The following AFF3 variants were observed in gnomAD, a reference collection of about 807,000 sequenced individuals.
AFF3 encodes the protein ALF transcription elongation factor 3, also known as AF4/FMR2 family member 3.
AFF3 carries 32 observed loss-of-function variants against 129.7 expected under a neutral mutation model. That is an observed-to-expected ratio of 0.25 (90% CI 0.19 to 0.33). The LOEUF (loss-of-function observed/expected upper bound fraction) is 0.33. Ranked by LOEUF, AFF3 falls within the 10% of genes least tolerant of loss-of-function variation. The pLI, the probability that AFF3 is intolerant of heterozygous loss-of-function variation, is 1.00. For synonymous variants in AFF3, 644 were observed against 635.4 expected (o/e 1.01, Z -0.20); for missense variants, 1,373 against 1,592.0 (o/e 0.86, Z 2.34).
intron 12 of AFF3, among the ~76,000 whole-genome samples, chr2:99,663,547 G>A (rs1686423685): frequency 6.6e-6 from 1 of 152,132 alleles, no homozygotes; most frequent in Non-Finnish European, 1.5e-5. Flanking sequence ...TATTGATTGG[G>A]GATTAAAAGG....
rs563436088 is a variant in AFF3, at chr2:99,564,763, T to G, written c.3119+724A>C. On this transcript the variant is annotated intron_variant, in intron 20 of 24. Coordinates refer to ENST00000672756, the MANE Select transcript of AFF3 (RefSeq NM_001386135.1). ...CACAGAACCCCAGAATCAGAAAAAC[T>G]TTTAAAAGTTAGTTTTAGGAAGAAT... Among the ~76,000 whole-genome samples, 24 of 152,292 alleles carry G rather than the reference T, an allele frequency of 1.6e-4. No individual in the cohort carries two copies. In the South Asian group the frequency reaches 3.3e-3, roughly 21 times the overall value.
chr2:99,997,825 C>T (rs1468759573), intron 7 of AFF3, among the ~76,000 whole-genome samples: 1 of 152,166 alleles, frequency 6.6e-6, no homozygotes, highest in East Asian at 1.9e-4. Context: ...GTGCCTTCTC[C>T]CTGCCATGTC....
chr2:99,744,126 T>A lies in AFF3; in HGVS notation c.1017A>T (p.Val339=). The change falls in exon 10 of 25, where the codon GTA becomes GTT. Residue 339 remains valine, a synonymous_variant. Coordinates refer to ENST00000672756, the MANE Select transcript of AFF3 (RefSeq NM_001386135.1). ...TACTTGGATTATTGTGTCCAGAGGA[T>A]ACAAGCTGAGAGTCCTGAAAGAACA... The part of the protein sequence containing the change: ...FPFPNKDSQL[V]SSGHNNPKKG... 1 of 1,607,700 alleles carries A rather than the reference T, an allele frequency of 6.2e-7. No homozygotes were observed. Among genetic ancestry groups the A allele is most frequent in the Non-Finnish European group, 8.5e-7 (1 of 1,177,270 alleles).
At chr2:99,732,548 G>C (rs1294828966) in intron 10 of AFF3, among the ~76,000 whole-genome samples, 1 of 152,060 alleles carries the variant, frequency 6.6e-6, no homozygotes, top group African/African-American at 2.4e-5. Context: ...ATGAATTTTA[G>C]ATTTAGCCAT....
At chr2:99,953,483 T>A (rs1676352295) in intron 7 of AFF3, among the ~76,000 whole-genome samples, 1 of 152,204 alleles carries the variant, frequency 6.6e-6, no homozygotes, top group South Asian at 2.1e-4. Context: ...TAGAAGAAGA[T>A]GTGCCATTTA....
intron 4 of AFF3, among the ~76,000 whole-genome samples, chr2:100,039,683 T>C (rs1007895496): frequency 5.3e-5 from 8 of 152,172 alleles, no homozygotes; most frequent in African/African-American, 1.9e-4. Flanking sequence ...TAATGGGTCA[T>C]GTTCCTTTAC....
At chr2:99,735,940 T>C (rs1032216503) in intron 10 of AFF3, among the ~76,000 whole-genome samples, 1 of 152,240 alleles carries the variant, frequency 6.6e-6, no homozygotes, top group Non-Finnish European at 1.5e-5. Context: ...AACATGTGTT[T>C]TCCCTCCTAG....
At chr2:99,616,290 A>G (rs572315419) in intron 13 of AFF3, among the ~76,000 whole-genome samples, 3 of 151,886 alleles carry the variant, frequency 2.0e-5, no homozygotes, top group African/African-American at 7.2e-5. Context: ...TTCCATCCTC[A>G]TGGAAACTCC....
chr2:99,898,679 C>T (rs561062277), intron 7 of AFF3, among the ~76,000 whole-genome samples: 2 of 152,294 alleles, frequency 1.3e-5, no homozygotes, highest in East Asian at 1.9e-4. Context: ...CTGCTGCACC[C>T]GGATACTGAG....
At position 99,877,256 on chromosome 2, in the gene AFF3, G is replaced by A. The variant is rs140016124; in HGVS notation, c.874-39732C>T. ...TTGGATGAATGACTCGTCAAACAGT[G>A]AAGCCACTGAGAAGTGGGATTGAGG... On this transcript the variant is annotated intron_variant, in intron 7 of 24. Transcript: ENST00000672756. 8.7e-3 allele frequency among the ~76,000 whole-genome samples: 1,327 copies of A among 152,306 alleles called. 34 individuals are homozygous for A. Among genetic ancestry groups the A allele is most frequent in the African/African-American group, 0.03 (1,264 of 41,558 alleles).
chr2:99,609,602 T>TAC (rs1680718467), intron 13 of AFF3, among the ~76,000 whole-genome samples: 3 of 152,356 alleles, frequency 2.0e-5, no homozygotes, highest in East Asian at 1.9e-4. Flanking sequence ...GGTATATATA[T>TAC]ACACCACATT....
chr2:99,800,747 A>G (rs1262407775), intron 8 of AFF3, among the ~76,000 whole-genome samples: 1 of 152,240 alleles, frequency 6.6e-6, no homozygotes. Context: ...CAGCAATGAA[A>G]AGTAATGAAC....
chr2:99,831,552 T>C lies in AFF3; in HGVS notation c.921+5925A>G, dbSNP rs76509119. ...CATTTGAAGGTACTGATAGATACTA[T>C]GATTTGACATGTATTAACCTTTTCA... On this transcript the variant is annotated intron_variant, in intron 8 of 24. Transcript: ENST00000672756. Among the ~76,000 whole-genome samples the C allele has an allele frequency of 1.8e-4, 27 of 152,340 alleles. No individual in the cohort carries two copies. In the East Asian group the frequency reaches 5.2e-3, roughly 29 times the overall value.
At chr2:99,923,938 C>G (rs907576293) in intron 7 of AFF3, among the ~76,000 whole-genome samples, 1 of 152,040 alleles carries the variant, frequency 6.6e-6, no homozygotes, top group Non-Finnish European at 1.5e-5. Context: ...ATAGGAAAAT[C>G]TCACTTTAAG....
chr2:100,084,838 T>A (rs966481063), intron 4 of AFF3, among the ~76,000 whole-genome samples: 3 of 150,104 alleles, frequency 2.0e-5, no homozygotes, highest in Non-Finnish European at 4.5e-5. Flanking sequence ...ATTGTCCAAT[T>A]TCGTGTATCT....
intron 11 of AFF3, among the ~76,000 whole-genome samples, chr2:99,693,768 T>C (rs919131235): frequency 6.6e-6 from 1 of 152,226 alleles, no homozygotes; most frequent in Non-Finnish European, 1.5e-5. Context: ...CCAGTAGGTT[T>C]TGGTTCCTTA....
chr2:99,672,654 A>G, intron 11 of AFF3, 65 bp from the exon 12 acceptor site: 1 of 1,454,844 alleles, frequency 6.9e-7, no homozygotes, highest in South Asian at 1.2e-5. Flanking sequence ...ATAATTCAGC[A>G]CCAAAATATC....
At chr2:99,859,926 C>T (rs1168934644) in intron 7 of AFF3, among the ~76,000 whole-genome samples, 3 of 151,858 alleles carry the variant, frequency 2.0e-5, no homozygotes, top group Non-Finnish European at 4.4e-5. Flanking sequence ...AGCTTATGGT[C>T]GCCCCCCGCA....
intron 4 of AFF3, among the ~76,000 whole-genome samples, chr2:100,076,509 C>T (rs1688599535): frequency 2.0e-5 from 3 of 152,150 alleles, no homozygotes; most frequent in African/African-American, 7.2e-5. Context: ...ACCAAGTTGC[C>T]TAAGAGACAG....
Sources: allele counts gnomAD v4.1 joint callset (sites outside exome capture counted in the v4.1 genomes callset), GRCh38; gene constraint gnomAD v4.1.1; transcripts MANE v1.5; gene names NCBI Gene and HGNC (gene_info 2026-07-23, HGNC 2026-07-21).